The following SLC1A2 variants were observed in gnomAD, a reference collection of about 807,000 sequenced individuals.
The protein encoded by SLC1A2 is excitatory amino acid transporter 2.
SLC1A2 carries 15 observed loss-of-function variants against 48.8 expected under a neutral mutation model. That is an observed-to-expected ratio of 0.31 (90% confidence interval 0.21 to 0.47). The LOEUF (loss-of-function observed/expected upper bound fraction) is 0.47. SLC1A2 is among the 20% of genes least tolerant of loss of function. The probability of loss-of-function intolerance (pLI) is 0.99; values close to 1 mark genes in which losing one functional copy is unlikely to be tolerated. For missense variants in SLC1A2, 502 were observed against 730.5 expected, an observed-to-expected ratio of 0.69 and a Z score of 3.61; for synonymous variants, 279 against 272.6, an observed-to-expected ratio of 1.02 and a Z score of -0.23.
At chr11:35,270,168 C>T (rs1378612651) in intron 9 of SLC1A2, among the ~76,000 whole-genome samples, 1 of 152,078 alleles carries the variant, frequency 6.6e-6, no homozygotes, top group Non-Finnish European at 1.5e-5. Context: ...CAGATTGATG[C>T]TTTTATTCTT....
chr11:35,419,735 A>G (rs1855729478), upstream of SLC1A2: 1 of 233,620 alleles, frequency 4.3e-6, no homozygotes, highest in Non-Finnish European at 9.5e-6. This position sits in a 1 kb window ranked among gnomAD's most constrained non-coding sequence, Gnocchi z 5.4. Context: ...CCCAGGATCT[A>G]AGGAGTAGCT....
At chr11:35,295,361 A>C (rs949706424) in intron 6 of SLC1A2, among the ~76,000 whole-genome samples, 7 of 152,316 alleles carry the variant, frequency 4.6e-5, no homozygotes, top group African/African-American at 1.7e-4. Context: ...TTTTTAAAAC[A>C]AACAACTTAG....
intron 1 of SLC1A2, among the ~76,000 whole-genome samples, chr11:35,344,796 C>G (rs1180175761): frequency 6.6e-6 from 1 of 152,210 alleles, no homozygotes; most frequent in East Asian, 1.9e-4. Flanking sequence ...AGGAAACTAT[C>G]TTCGAGCAAT....
chr11:35,311,871 GGA>G (rs367980308), intron 4 of SLC1A2, among the ~76,000 whole-genome samples: 8,915 of 83,140 alleles, frequency 0.11, 676 homozygotes, highest in East Asian at 0.31. Context: ...ATAGATATAA[GGA>G]GAGAGAGAGA....
At chr11:35,265,411 T>G in intron 10 of SLC1A2, 116 bp downstream of exon 10, 1 of 650,124 alleles carries the variant, frequency 1.5e-6, no homozygotes. Flanking sequence ...ACATGATTCT[T>G]TAGGAAAATA....
intron 1 of SLC1A2, among the ~76,000 whole-genome samples, chr11:35,354,002 C>T (rs2135097333): frequency 6.6e-6 from 1 of 152,290 alleles, no homozygotes; most frequent in South Asian, 2.1e-4. Flanking sequence ...TCCTATAATC[C>T]TGGCAACTAC....
intron 1 of SLC1A2, among the ~76,000 whole-genome samples, chr11:35,321,217 T>C (rs1191196524): frequency 6.6e-6 from 1 of 152,110 alleles, no homozygotes; most frequent in Non-Finnish European, 1.5e-5. Context: ...TTCAGTTATC[T>C]CCCACGGGGT....
In SLC1A2 at chr11:35,419,096, C is replaced by G. The variant is rs571087901; in HGVS notation, c.-130G>C. The G allele has an allele frequency of 1.9e-5, 14 of 743,406 alleles. No individual in the cohort carries two copies. In the South Asian group the frequency reaches 2.4e-4, roughly 13 times the overall value. 46.1% of individuals were successfully genotyped at this position (743,406 alleles called of 1,614,324 possible). On this transcript the variant is annotated 5_prime_UTR_variant, in exon 1 of 11. Transcript: ENST00000278379. The surrounding 1 kb of genome is among the most constrained non-coding windows in gnomAD (Gnocchi z 5.4). The stretch of plus-strand genomic sequence containing the variant: ...AGAGGAGCCTCTGCCCGCCCTTCCA[C>G]CCGCCTCCGGGGTAAGCCCTTTAGC...
chr11:35,303,928 A>G (rs1851427228), intron 5 of SLC1A2, among the ~76,000 whole-genome samples: 1 of 152,162 alleles, frequency 6.6e-6, no homozygotes, highest in African/African-American at 2.4e-5. Flanking sequence ...TAAAAAAGCC[A>G]CTATCTCCAC....
chr11:35,310,601 A>C (rs1447294173), intron 4 of SLC1A2, among the ~76,000 whole-genome samples: 1 of 152,220 alleles, frequency 6.6e-6, no homozygotes, highest in African/African-American at 2.4e-5. Flanking sequence ...CTAGGAATAC[A>C]TACTTTTCTT....
chr11:35,305,089 C>T (rs192651971), intron 5 of SLC1A2, among the ~76,000 whole-genome samples: 159 of 152,246 alleles, frequency 1.0e-3, no homozygotes, highest in African/African-American at 3.5e-3. Flanking sequence ...CAGGTTTTGG[C>T]CAAATGCCCC....
intron 4 of SLC1A2, among the ~76,000 whole-genome samples, chr11:35,309,207 C>G (rs1295469837): frequency 6.6e-6 from 1 of 152,158 alleles, no homozygotes; most frequent in Non-Finnish European, 1.5e-5. Context: ...TAAGTCTCTT[C>G]TGTGTTTCCC....
rs749212451 is a variant in SLC1A2 at position 35,254,489 on chromosome 11, C to T, written c.*6405G>A. The T allele has an allele frequency of 1.2e-5, 3 of 245,148 alleles. No homozygotes were observed. The highest frequency in any genetic ancestry group is 4.5e-5 in the South Asian group (1 of 22,164). 15.2% of individuals were successfully genotyped at this position (245,148 alleles called of 1,614,324 possible). A position where few individuals can be genotyped will look rare whatever the true frequency, so the allele number is the denominator to read the frequency against. On this transcript the variant is annotated 3_prime_UTR_variant, in exon 11 of 11. Coordinates refer to ENST00000278379, the MANE Select transcript of SLC1A2 (RefSeq NM_004171.4). ...ATGGGGGAGAAACCTCAGAGATGTG[C>T]TGGACCAACTTCCTTGGCTAGTGTG...
chr11:35,304,518 G>A (rs143353087), intron 5 of SLC1A2, among the ~76,000 whole-genome samples: 4 of 152,110 alleles, frequency 2.6e-5, no homozygotes, highest in African/African-American at 9.6e-5. Flanking sequence ...CCTACTCCTC[G>A]CTCCTTCCAC....
intron 1 of SLC1A2, chr11:35,360,069 G>A (rs1290290332): frequency 2.7e-5 from 27 of 984,940 alleles, no homozygotes; most frequent in East Asian, 1.1e-4. Flanking sequence ...CTCCAGGAAC[G>A]TGCTGGTCAC....
At chr11:35,325,031 G>A (rs1206009222) in intron 1 of SLC1A2, among the ~76,000 whole-genome samples, 2 of 152,134 alleles carry the variant, frequency 1.3e-5, no homozygotes, top group East Asian at 1.9e-4. Context: ...CTGAAGTAAT[G>A]GCTACCCACC....
At chr11:35,330,882 A>T (rs1330187041) in intron 1 of SLC1A2, among the ~76,000 whole-genome samples, 3 of 152,202 alleles carry the variant, frequency 2.0e-5, no homozygotes, top group African/African-American at 7.2e-5. Flanking sequence ...GTGAGACCCA[A>T]CTCAGATTTC....
At chr11:35,282,600 C>G (rs1850677174) in intron 8 of SLC1A2, among the ~76,000 whole-genome samples, 1 of 152,118 alleles carries the variant, frequency 6.6e-6, no homozygotes, top group Non-Finnish European at 1.5e-5. Context: ...CCCTAAAGCC[C>G]TGAAAGCTGG....
chr11:35,379,238 A>G (rs933828589), intron 1 of SLC1A2, among the ~76,000 whole-genome samples: 11 of 152,212 alleles, frequency 7.2e-5, no homozygotes, highest in African/African-American at 2.2e-4. Context: ...TCAAAAAAAA[A>G]GAAAAATTGT....
Sources: allele counts gnomAD v4.1 joint callset (sites outside exome capture counted in the v4.1 genomes callset), GRCh38; gene constraint gnomAD v4.1.1; non-coding constraint Gnocchi (gnomAD v3.1); transcripts MANE v1.5; gene names NCBI Gene and HGNC (gene_info 2026-07-23, HGNC 2026-07-21).